The following NEDD9 variants were observed in gnomAD, a reference collection of about 807,000 sequenced individuals.
The protein encoded by NEDD9 is neural precursor cell expressed, developmentally down-regulated 9.
A neutral mutation model predicts 76.6 loss-of-function variants in NEDD9; 26 were observed. That is an observed-to-expected ratio of 0.34 (90% CI 0.25 to 0.47). The LOEUF is 0.47. Ranked by LOEUF, NEDD9 falls within the 20% of genes least tolerant of loss-of-function variation. The pLI is 1.00. For missense variants in NEDD9, 937 were observed against 1,058.5 expected, an observed-to-expected ratio of 0.89 and a Z score of 1.59; for synonymous variants, 392 against 414.2, an observed-to-expected ratio of 0.95 and a Z score of 0.65.
At chr6:11,291,267 G>GTTTTTTTTT (rs869185428) in intron 3 of NEDD9, among the ~76,000 whole-genome samples, 14 of 95,826 alleles carry the variant, frequency 1.5e-4, no homozygotes, top group African/African-American at 5.0e-4. Flanking sequence ...ATAGAATGAG[G>GTTTTTTTTT]TTTTTTTTTT....
intron 3 of NEDD9, among the ~76,000 whole-genome samples, chr6:11,297,247 CAG>C (rs1760922667): frequency 1.4e-5 from 2 of 147,766 alleles, no homozygotes; most frequent in Non-Finnish European, 1.5e-5. Context: ...TGAAATAAAA[CAG>C]AACCATCCTG....
chr6:11,194,730 T>C (rs1441203083), intron 2 of NEDD9, among the ~76,000 whole-genome samples: 1 of 152,168 alleles, frequency 6.6e-6, no homozygotes, highest in African/African-American at 2.4e-5. Flanking sequence ...AGAAGTCAAA[T>C]AGCGTTCATC....
At chr6:11,259,929 G>A (rs76017489) in intron 3 of NEDD9, among the ~76,000 whole-genome samples, 2,962 of 21,158 alleles carry the variant, frequency 0.14, 104 homozygotes, top group African/African-American at 0.36. Context: ...GCTTGACTGC[G>A]CCCTTAACAC....
chr6:11,372,122 G>A (rs1335061872), intron 1 of NEDD9, among the ~76,000 whole-genome samples: 6 of 140,626 alleles, frequency 4.3e-5, no homozygotes, highest in Non-Finnish European at 9.3e-5. Context: ...TCCCCTACCT[G>A]CCCCCCATAA....
At chr6:11,195,457 TG>T (rs1427963039) in intron 2 of NEDD9, among the ~76,000 whole-genome samples, 5 of 116,728 alleles carry the variant, frequency 4.3e-5, no homozygotes, top group Admixed American at 9.0e-5. Context: ...CTTATATGAT[TG>T]TTTTTTTTTT....
intron 3 of NEDD9, among the ~76,000 whole-genome samples, chr6:11,293,616 G>A (rs868004016): frequency 2.6e-5 from 4 of 152,254 alleles, no homozygotes; most frequent in African/African-American, 4.8e-5. Context: ...CACCATGACC[G>A]TCTATGTGTG....
intron 1 of NEDD9, among the ~76,000 whole-genome samples, chr6:11,230,880 GA>G (rs1177296049): frequency 6.6e-6 from 1 of 152,162 alleles, no homozygotes; most frequent in East Asian, 1.9e-4. Flanking sequence ...AGCTAACCAC[GA>G]TGAGATCATT....
intron 1 of NEDD9, among the ~76,000 whole-genome samples, chr6:11,342,647 G>A (rs1762295803): frequency 6.6e-6 from 1 of 152,184 alleles, no homozygotes; most frequent in African/African-American, 2.4e-5. Flanking sequence ...ATCACAAGCA[G>A]ATCTGAACTA....
chr6:11,265,436 T>C (rs1432565721), intron 3 of NEDD9, among the ~76,000 whole-genome samples: 3 of 152,258 alleles, frequency 2.0e-5, no homozygotes, highest in African/African-American at 7.2e-5. Context: ...CTTTAACTTA[T>C]TTTGTTCTTT....
intron 2 of NEDD9, chr6:11,200,400 T>G: frequency 1.5e-6 from 1 of 670,584 alleles, no homozygotes; most frequent in Non-Finnish European, 2.2e-6. Context: ...TTTATAGGCT[T>G]CACATTATTT....
At chr6:11,187,347 A>G (rs1758004100) in intron 6 of NEDD9, among the ~76,000 whole-genome samples, 1 of 152,188 alleles carries the variant, frequency 6.6e-6, no homozygotes, top group Non-Finnish European at 1.5e-5. Flanking sequence ...CCCTTGTTCT[A>G]GCAATAGTCG....
At chr6:11,326,095 G>A (rs1177276813) in intron 2 of NEDD9, among the ~76,000 whole-genome samples, 2 of 148,858 alleles carry the variant, frequency 1.3e-5, no homozygotes, top group Non-Finnish European at 3.0e-5. Context: ...GCAGTGAACC[G>A]AGATCTTACC....
At chr6:11,208,434 G>A (rs1758674093) in intron 2 of NEDD9, among the ~76,000 whole-genome samples, 1 of 152,222 alleles carries the variant, frequency 6.6e-6, no homozygotes, top group South Asian at 2.1e-4. Context: ...ATACCAGATG[G>A]TAATGAGCTG....
At chr6:11,287,235 C>T (rs988381585) in intron 3 of NEDD9, among the ~76,000 whole-genome samples, 16 of 152,246 alleles carry the variant, frequency 1.1e-4, no homozygotes, top group African/African-American at 3.9e-4. Context: ...CGAGACCAGC[C>T]TGGCCAACAT....
At chr6:11,255,738 T>C (rs1759991040) in intron 3 of NEDD9, among the ~76,000 whole-genome samples, 1 of 152,026 alleles carries the variant, frequency 6.6e-6, no homozygotes, top group Non-Finnish European at 1.5e-5. Context: ...TAAGGATTTT[T>C]CCCTTAATCC....
chr6:11,226,615 A>AT (rs61589208), intron 1 of NEDD9, among the ~76,000 whole-genome samples: 35,494 of 152,150 alleles, frequency 0.23, 4,245 homozygotes, highest in Middle Eastern at 0.28. Flanking sequence ...CCCAACTTAC[A>AT]TTCTTTGGAT....
intron 1 of NEDD9, among the ~76,000 whole-genome samples, chr6:11,378,529 A>G (rs148516339): frequency 6.6e-6 from 1 of 152,336 alleles, no homozygotes; most frequent in Non-Finnish European, 1.5e-5. Flanking sequence ...GTTTAGGGGC[A>G]CACAGCAGGC....
intron 3 of NEDD9, among the ~76,000 whole-genome samples, chr6:11,248,129 A>G (rs16871157): frequency 0.11 from 17,349 of 152,046 alleles, 1,058 homozygotes; most frequent in South Asian, 0.25. Context: ...TCAGGGTGCC[A>G]TTTTTCTATA....
rs543685686 is a variant in NEDD9, at chr6:11,361,001, C to T, written c.-214+21138G>A. ...GCTTGTTTGTGTGTATGACTGTGAG[C>T]GTACATGTGTGTGAGGCATGTATGG... On this transcript the variant is annotated intron_variant, in intron 1 of 3. Transcript: ENST00000397378. 7.9e-5 allele frequency among the ~76,000 whole-genome samples: 12 copies of T among 152,272 alleles called. No individual in the cohort carries two copies. In the East Asian group the frequency reaches 1.5e-3, roughly 20 times the overall value.
Sources: allele counts gnomAD v4.1 joint callset (sites outside exome capture counted in the v4.1 genomes callset), GRCh38; gene constraint gnomAD v4.1.1; transcripts MANE v1.5; gene names NCBI Gene and HGNC (gene_info 2026-07-23, HGNC 2026-07-21).